MYOM1: variants seen among roughly 807,000 people sequenced by gnomAD.
The protein encoded by MYOM1 is myomesin-1.
In MYOM1, 164 loss-of-function variants were observed where a neutral mutation model predicts 205.3. That is an observed-to-expected ratio of 0.80 (90% CI 0.70 to 0.91). MYOM1 has a LOEUF of 0.91. MYOM1 is among the 40% of genes least tolerant of loss of function. The pLI is 0.00. For missense variants in MYOM1, 2,011 were observed against 2,127.3 expected, an observed-to-expected ratio of 0.95 and a Z score of 1.08; for synonymous variants, 772 against 789.4, an observed-to-expected ratio of 0.98 and a Z score of 0.37.
intron 2 of MYOM1, among the ~76,000 whole-genome samples, chr18:3,195,004 A>G (rs763127262): frequency 6.6e-6 from 1 of 152,216 alleles, no homozygotes; most frequent in Non-Finnish European, 1.5e-5. Context: ...GGAAAAGCCA[A>G]GCTGCCCAGT....
the MYOM1 span, among the ~76,000 whole-genome samples, chr18:3,242,027 A>G: frequency 2.6e-5 from 4 of 152,210 alleles, no homozygotes; most frequent in African/African-American, 9.7e-5. Context: ...CTAGGAAGTA[A>G]CTAACTTGCT....
chr18:3,093,497 C>T (rs1043906163), intron 26 of MYOM1: 7 of 152,122 alleles, frequency 4.6e-5, no homozygotes, highest in African/African-American at 2.4e-5. Context: ...CTCAAACAGA[C>T]GTACACACAG....
At chr18:3,082,505 C>T (rs1348586276) in intron 33 of MYOM1, among the ~76,000 whole-genome samples, 2 of 152,116 alleles carry the variant, frequency 1.3e-5, no homozygotes, top group African/African-American at 4.8e-5. Flanking sequence ...TTGTCAATGC[C>T]ACTGAGGGTA....
At position 3,116,574 on chromosome 18, in the gene MYOM1, G is replaced by A. The variant is rs915139456; in HGVS notation, c.3119-59C>T. ...TAACAGAGAAAACTCGTCTCCACACGTTTAGAACCACTTGTAAGTCTTCAA... is the reference window on the plus strand; with the variant it reads ...TAACAGAGAAAACTCGTCTCCACACATTTAGAACCACTTGTAAGTCTTCAA... On this transcript the variant is annotated intron_variant, in intron 20 of 37. Transcript: ENST00000356443. The A allele has an allele frequency of 1.4e-5, 20 of 1,421,038 alleles. No individual in the cohort carries two copies. In the Admixed American group the frequency reaches 1.9e-4, roughly 13 times the overall value. 88.0% of individuals were successfully genotyped at this position (1,421,038 alleles called of 1,614,324 possible). A position where few individuals can be genotyped will look rare whatever the true frequency, so the allele number is the denominator to read the frequency against.
chr18:3,191,713 T>C (rs2080908325), intron 3 of MYOM1, among the ~76,000 whole-genome samples: 1 of 151,926 alleles, frequency 6.6e-6, no homozygotes, highest in African/African-American at 2.4e-5. Flanking sequence ...TTTTTCTTTT[T>C]GAGATGGGGT....
At chr18:3,102,694 A>G (rs2079397616) in intron 22 of MYOM1, 64 bp from the exon 23 acceptor site, 2 of 1,536,168 alleles carry the variant, frequency 1.3e-6, no homozygotes, top group South Asian at 2.4e-5. Flanking sequence ...AGAATTTGTT[A>G]CCTTGAGATT....
At chr18:3,130,840 T>C (rs2079864916) in intron 17 of MYOM1, among the ~76,000 whole-genome samples, 1 of 152,194 alleles carries the variant, frequency 6.6e-6, no homozygotes, top group African/African-American at 2.4e-5. Flanking sequence ...CATACACACA[T>C]ATAATTACTT....
chr18:3,150,979 CTTTTTTTT>C (rs1164882266), intron 12 of MYOM1, among the ~76,000 whole-genome samples: 1 of 55,924 alleles, frequency 1.8e-5, no homozygotes, highest in Non-Finnish European at 3.6e-5. Flanking sequence ...CCATGCCTGG[CTTTTTTTT>C]TTTTTTTTTT....
intron 22 of MYOM1, among the ~76,000 whole-genome samples, chr18:3,111,422 T>C (rs927442027): frequency 1.3e-5 from 2 of 152,196 alleles, no homozygotes; most frequent in Non-Finnish European, 2.9e-5. Flanking sequence ...AATCACGGCA[T>C]CTTTGAAACT....
upstream of MYOM1, among the ~76,000 whole-genome samples, chr18:3,221,670 A>C (rs1429231625): frequency 6.6e-6 from 1 of 152,230 alleles, no homozygotes; most frequent in Non-Finnish European, 1.5e-5. Flanking sequence ...GACATTTTGA[A>C]ATGGCAATAC....
intron 18 of MYOM1, among the ~76,000 whole-genome samples, chr18:3,127,300 TATA>T (rs1415742354): frequency 2.3e-4 from 12 of 51,638 alleles, no homozygotes; most frequent in South Asian, 1.0e-3. Flanking sequence ...TATATATATA[TATA>T]TATTTTTTTT....
rs756403909 is a variant in MYOM1, at chr18:3,134,819, G to C, written c.2215C>G (p.Pro739Ala). The C allele has an allele frequency of 6.2e-7, 1 of 1,613,786 alleles. No homozygotes were observed. The highest frequency in any genetic ancestry group is 1.1e-5 in the South Asian group (1 of 91,058). ...VTVVGDKLDIPKAPGKIIPSR... is the reference protein window; with the variant it reads ...VTVVGDKLDIAKAPGKIIPSR... Reference sequence around the variant, plus strand: ...GGGATGATTTTGCCAGGAGCCTTGGGGATATCTGAGAAAGAGGAAAATGGT... The same window carrying C: ...GGGATGATTTTGCCAGGAGCCTTGGCGATATCTGAGAAAGAGGAAAATGGT... The change falls in exon 16 of 38, where the codon CCC becomes GCC. Residue 739 changes from proline to alanine, a missense_variant. Physicochemically the swap from Pro to Ala is conservative, Grantham distance 27. Transcript: ENST00000356443.
At chr18:3,155,584 C>T (rs1031214007) in intron 10 of MYOM1, among the ~76,000 whole-genome samples, 3 of 152,162 alleles carry the variant, frequency 2.0e-5, no homozygotes, top group Non-Finnish European at 2.9e-5. Flanking sequence ...GCAGGAAGAA[C>T]ATTGTGTCAG....
intron 11 of MYOM1, among the ~76,000 whole-genome samples, chr18:3,153,611 A>G (rs1328442836): frequency 6.6e-6 from 1 of 152,178 alleles, no homozygotes; most frequent in East Asian, 1.9e-4. Context: ...AACCTTCACA[A>G]TTCATCACTA....
At chr18:3,207,960 C>T (rs2081145274) in intron 2 of MYOM1, among the ~76,000 whole-genome samples, 1 of 152,066 alleles carries the variant, frequency 6.6e-6, no homozygotes, top group South Asian at 2.1e-4. Flanking sequence ...AAGAAGGAAC[C>T]ACATCTTTCT....
At chr18:3,136,072 A>G (rs1006758039) in intron 14 of MYOM1, among the ~76,000 whole-genome samples, 21 of 151,872 alleles carry the variant, frequency 1.4e-4, no homozygotes, top group African/African-American at 4.8e-4. Flanking sequence ...AGTAAGTCTC[A>G]TGAGAGCTGA....
chr18:3,197,857 A>G (rs1311170359), intron 2 of MYOM1, among the ~76,000 whole-genome samples: 3 of 152,080 alleles, frequency 2.0e-5, no homozygotes. Context: ...TGGGTGACAG[A>G]GCGAGACTCC....
In MYOM1 at chr18:3,119,909, G is replaced by A. The variant is rs984812597; in HGVS notation, c.3078C>T (p.Ser1026=). The A allele has an allele frequency of 6.8e-6, 11 of 1,612,586 alleles. No individual in the cohort carries two copies. The highest frequency in any genetic ancestry group is 2.2e-5 in the East Asian group (1 of 44,858). Residue 1026 remains serine, a synonymous_variant, in exon 20 of 38, where the codon AGC becomes AGT. Coordinates refer to ENST00000356443, the MANE Select transcript of MYOM1 (RefSeq NM_003803.4). ...MAGLGAPSAV[S]ECFKCEEWTI... ...TCCACTCTTCACATTTGAAGCATTC[G>A]CTTACTGCGGAGGGCGCGCCCAGCC... is the stretch of plus-strand genomic sequence containing the variant.
intron 16 of MYOM1, among the ~76,000 whole-genome samples, chr18:3,132,689 G>A (rs1262177384): frequency 6.6e-6 from 1 of 152,102 alleles, no homozygotes; most frequent in Non-Finnish European, 1.5e-5. Context: ...TGCCAAGGAA[G>A]GTACTTACTT....
Sources: gnomAD v4.1 joint callset for allele counts (sites outside exome capture counted in the v4.1 genomes callset) on GRCh38, gnomAD v4.1.1 for gene constraint, MANE v1.5 for transcripts, NCBI Gene and HGNC (gene_info 2026-07-23, HGNC 2026-07-21) for gene names.